UBLCP1: variants seen among roughly 807,000 people sequenced by gnomAD.
UBLCP1 encodes ubiquitin-like domain-containing CTD phosphatase 1.
In UBLCP1, 28 loss-of-function variants were observed where a neutral mutation model predicts 42.4. The ratio of observed to expected loss-of-function variants is 0.66; its 90% CI spans 0.49 to 0.90. UBLCP1 has a LOEUF of 0.90. Ranked by LOEUF, UBLCP1 falls within the 40% of genes least tolerant of loss-of-function variation. UBLCP1 has a pLI of 0.00. For synonymous variants in UBLCP1, 122 were observed against 120.8 expected (o/e 1.01, Z -0.07); for missense variants, 279 against 374.5 (o/e 0.75, Z 2.10).
intron 6 of UBLCP1, among the ~76,000 whole-genome samples, chr5:159,272,446 G>C (rs1311841119): frequency 6.6e-6 from 1 of 151,130 alleles, no homozygotes; most frequent in African/African-American, 2.4e-5. Flanking sequence ...TATCTTTAGG[G>C]TCTCGCTGTG....
intron 8 of UBLCP1, among the ~76,000 whole-genome samples, chr5:159,276,119 A>G (rs908875657): frequency 1.1e-4 from 17 of 152,150 alleles, no homozygotes; most frequent in African/African-American, 3.9e-4. Flanking sequence ...AGTCCATATC[A>G]TTTGAAAGCA....
chr5:159,271,053 G>A (rs141289452), intron 5 of UBLCP1, among the ~76,000 whole-genome samples: 225 of 151,766 alleles, frequency 1.5e-3, no homozygotes, highest in African/African-American at 5.2e-3. Context: ...ATTTAACCAT[G>A]TTATTCCCTG....
Position 159,268,993 on chromosome 5 carries a change from C to G in UBLCP1, c.78C>G (p.Leu26=). The part of the protein sequence containing the change: ...VTTLSEDDTV[L]DLKQFLKTLT... ...CACTTTCAGAAGATGATACTGTGCT[C>G]GATCTCAAACAGTTTCTCAAGACCC... is the stretch of plus-strand genomic sequence containing the variant. The change falls in exon 2 of 11, where the codon CTC becomes CTG. Residue 26 remains leucine (L), a synonymous_variant. Transcript: ENST00000296786. The G allele has an allele frequency of 6.2e-7, 1 of 1,610,950 alleles. No individual in the cohort carries two copies. The highest frequency in any genetic ancestry group is 8.5e-7 in the Non-Finnish European group (1 of 1,178,790).
chr5:159,270,972 ATG>A (rs1491373715), intron 5 of UBLCP1, among the ~76,000 whole-genome samples: 8 of 150,384 alleles, frequency 5.3e-5, no homozygotes, highest in African/African-American at 1.7e-4. Context: ...ATATATATAT[ATG>A]TGTGTGTGTG....
intron 9 of UBLCP1, among the ~76,000 whole-genome samples, chr5:159,281,873 A>C (rs771004075): frequency 2.0e-5 from 3 of 152,260 alleles, no homozygotes; most frequent in Non-Finnish European, 4.4e-5. Context: ...AAAAAAAAAA[A>C]AACTAATGAC....
chr5:159,265,585 C>T (rs918530599), intron 1 of UBLCP1, among the ~76,000 whole-genome samples: 31 of 152,136 alleles, frequency 2.0e-4, no homozygotes, highest in African/African-American at 2.4e-5. Context: ...AGAATTCCCA[C>T]TTATTGTGGG....
chr5:159,268,150 G>A (rs1047992228), intron 1 of UBLCP1, among the ~76,000 whole-genome samples: 1 of 152,218 alleles, frequency 6.6e-6, no homozygotes, highest in South Asian at 2.1e-4. Flanking sequence ...TTTCTCTAAT[G>A]AGATTGTGTA....
At chr5:159,284,313 A>T (rs1217136042) in intron 10 of UBLCP1, among the ~76,000 whole-genome samples, 1 of 152,206 alleles carries the variant, frequency 6.6e-6, no homozygotes, top group African/African-American at 2.4e-5. Context: ...ACCACCAATT[A>T]TAGTAGTTTG....
At chr5:159,281,636 A>G (rs1379150297) in intron 9 of UBLCP1, among the ~76,000 whole-genome samples, 2 of 152,192 alleles carry the variant, frequency 1.3e-5, no homozygotes, top group African/African-American at 4.8e-5. Context: ...TTCTGATGAG[A>G]GTAGAACACC....
intron 1 of UBLCP1, among the ~76,000 whole-genome samples, chr5:159,264,335 G>C (rs1275044475): frequency 6.6e-6 from 1 of 152,146 alleles, no homozygotes; most frequent in Non-Finnish European, 1.5e-5. Context: ...GATGGGATCT[G>C]AAATGATACA....
At chr5:159,282,044 A>G (rs984067035) in intron 9 of UBLCP1, among the ~76,000 whole-genome samples, 8 of 152,128 alleles carry the variant, frequency 5.3e-5, no homozygotes, top group African/African-American at 1.9e-4. Context: ...AGAACTATAT[A>G]AAATTGCTTA....
chr5:159,269,774 G>T (rs1040658105), intron 2 of UBLCP1, 134 bp from the exon 3 acceptor site: 9 of 694,382 alleles, frequency 1.3e-5, no homozygotes, highest in South Asian at 6.9e-5. Context: ...ATTTGTTAAT[G>T]TAGGAAAAAA....
At chr5:159,272,337 T>C (rs114628673) in intron 6 of UBLCP1, among the ~76,000 whole-genome samples, 81 of 152,232 alleles carry the variant, frequency 5.3e-4, no homozygotes, top group African/African-American at 1.9e-3. Context: ...AGGACATGAG[T>C]ACATTATAGT....
chr5:159,266,588 C>T (rs926424293), intron 1 of UBLCP1, among the ~76,000 whole-genome samples: 1 of 152,216 alleles, frequency 6.6e-6, no homozygotes, highest in African/African-American at 2.4e-5. Context: ...ATGTTAATCC[C>T]CTAGACCGTG....
chr5:159,273,763 G>GT (rs576754239), intron 6 of UBLCP1, among the ~76,000 whole-genome samples: 2 of 151,040 alleles, frequency 1.3e-5, no homozygotes, highest in South Asian at 2.1e-4. Context: ...TGATTCTTCT[G>GT]TTTTTTTGTA....
At chr5:159,263,706 A>G (rs866692241) in intron 1 of UBLCP1, among the ~76,000 whole-genome samples, 33 of 152,016 alleles carry the variant, frequency 2.2e-4, no homozygotes, top group African/African-American at 7.7e-4. Flanking sequence ...CTGCCTCCTA[A>G]TGCTCCCCTA....
intron 6 of UBLCP1, among the ~76,000 whole-genome samples, chr5:159,272,774 A>G (rs1374329869): frequency 6.6e-6 from 1 of 152,256 alleles, no homozygotes; most frequent in Admixed American, 6.5e-5. Flanking sequence ...GACCATTTCA[A>G]GAATGTACAG....
intron 9 of UBLCP1, among the ~76,000 whole-genome samples, chr5:159,279,915 TA>T (rs35531577): frequency 0.29 from 42,601 of 149,374 alleles, 6,595 homozygotes; most frequent in East Asian, 0.46. Flanking sequence ...CGTTTAACTT[TA>T]AAAAAAAAAA....
intron 9 of UBLCP1, among the ~76,000 whole-genome samples, chr5:159,279,935 T>C (rs1753588189): frequency 6.6e-6 from 1 of 152,208 alleles, no homozygotes; most frequent in Admixed American, 6.5e-5. Flanking sequence ...AATACAATCA[T>C]TAGTTTCATG....
Sources: allele counts gnomAD v4.1 joint callset (sites outside exome capture counted in the v4.1 genomes callset), GRCh38; gene constraint gnomAD v4.1.1; transcripts MANE v1.5; gene names NCBI Gene and HGNC (gene_info 2026-07-23, HGNC 2026-07-21).